The following FGF10 variants were observed in gnomAD, a reference collection of about 807,000 sequenced individuals.
FGF10 encodes the protein FGF-10.
FGF10 carries 2 observed loss-of-function variants against 19.8 expected under a neutral mutation model. That is an observed-to-expected ratio of 0.10 (90% CI 0.04 to 0.32). The LOEUF (loss-of-function observed/expected upper bound fraction) is 0.32. Ranked by LOEUF, FGF10 falls within the 10% of genes least tolerant of loss-of-function variation. The probability of loss-of-function intolerance (pLI) is 1.00; values close to 1 mark genes in which losing one functional copy is unlikely to be tolerated. For synonymous variants in FGF10, 112 were observed against 94.0 expected (o/e 1.19, Z -1.10); for missense variants, 191 against 246.3 (o/e 0.78, Z 1.50).
chr5:44,330,827 T>C (rs1251538728), intron 1 of FGF10, among the ~76,000 whole-genome samples: 1 of 152,198 alleles, frequency 6.6e-6, no homozygotes, highest in African/African-American at 2.4e-5. Flanking sequence ...CAATTTAAAC[T>C]GTTCAAAATA....
chr5:44,321,924 G>A (rs1009067848), intron 1 of FGF10, among the ~76,000 whole-genome samples: 5 of 152,150 alleles, frequency 3.3e-5, no homozygotes, highest in East Asian at 1.9e-4. Context: ...CACCATGCCC[G>A]GCTAATTTTT....
chr5:44,360,319 T>C (rs1193593441), intron 1 of FGF10, among the ~76,000 whole-genome samples: 1 of 151,738 alleles, frequency 6.6e-6, no homozygotes, highest in East Asian at 1.9e-4. Flanking sequence ...AATGTGTTAA[T>C]GAGTTTTCCT....
chr5:44,340,558 T>C (rs957186363), intron 1 of FGF10, among the ~76,000 whole-genome samples: 1 of 152,086 alleles, frequency 6.6e-6, no homozygotes, highest in Non-Finnish European at 1.5e-5. Context: ...ACAGGTATTG[T>C]CTTTTATCAG....
At chr5:44,312,868 T>C (rs766494365) in intron 1 of FGF10, among the ~76,000 whole-genome samples, 2 of 152,096 alleles carry the variant, frequency 1.3e-5, no homozygotes, top group Admixed American at 6.6e-5. Context: ...GATTAAACTA[T>C]ACTAACAGAC....
chr5:44,308,348 A>G (rs1204162181), intron 2 of FGF10, among the ~76,000 whole-genome samples: 1 of 152,180 alleles, frequency 6.6e-6, no homozygotes, highest in Non-Finnish European at 1.5e-5. Flanking sequence ...TATTTTATCA[A>G]TTAAAAGTAT....
At chr5:44,363,671 C>A (rs967731455) in intron 1 of FGF10, among the ~76,000 whole-genome samples, 3 of 151,882 alleles carry the variant, frequency 2.0e-5, no homozygotes, top group African/African-American at 7.2e-5. Context: ...TTGATAATAT[C>A]TTTCTTCATT....
At chr5:44,307,459 T>G (rs916058262) in intron 2 of FGF10, among the ~76,000 whole-genome samples, 12 of 152,050 alleles carry the variant, frequency 7.9e-5, no homozygotes, top group Admixed American at 5.2e-4. Flanking sequence ...CTTTATTTAC[T>G]GAATCCCATC....
At chr5:44,361,942 A>C (rs1270741169) in intron 1 of FGF10, among the ~76,000 whole-genome samples, 3 of 151,564 alleles carry the variant, frequency 2.0e-5, no homozygotes, top group African/African-American at 7.3e-5. Context: ...TGCTCCCTTT[A>C]CCAGAAAGGT....
At chr5:44,344,568 C>CTCTGTGTGTGTG (rs1554037820) in intron 1 of FGF10, among the ~76,000 whole-genome samples, 97 of 126,850 alleles carry the variant, frequency 7.6e-4, no homozygotes, top group South Asian at 2.3e-3. Context: ...TTTGTTTTCT[C>CTCTGTGTGTGTG]TGTGTGTGTG....
intron 2 of FGF10, among the ~76,000 whole-genome samples, chr5:44,306,384 G>A (rs575079135): frequency 2.6e-5 from 4 of 152,192 alleles, no homozygotes; most frequent in African/African-American, 7.2e-5. Context: ...GCAACAGAAC[G>A]AGACTCCGTC....
At chr5:44,318,008 C>A (rs918259805) in intron 1 of FGF10, among the ~76,000 whole-genome samples, 2 of 152,022 alleles carry the variant, frequency 1.3e-5, no homozygotes, top group Non-Finnish European at 2.9e-5. Context: ...AAATAAAGAT[C>A]TAGAAAAGCT....
chr5:44,375,028 A>G (rs1024462206), intron 1 of FGF10, among the ~76,000 whole-genome samples: 1 of 152,176 alleles, frequency 6.6e-6, no homozygotes, highest in African/African-American at 2.4e-5. Flanking sequence ...TACTTCAACC[A>G]TCATTTTAGG....
chr5:44,308,482 G>C (rs1219129824), intron 2 of FGF10, among the ~76,000 whole-genome samples: 1 of 152,100 alleles, frequency 6.6e-6, no homozygotes, highest in East Asian at 1.9e-4. Context: ...CAAAGAATAT[G>C]TACCTGGTTC....
chr5:44,340,846 A>G (rs928948909), intron 1 of FGF10, among the ~76,000 whole-genome samples: 1 of 151,840 alleles, frequency 6.6e-6, no homozygotes, highest in Non-Finnish European at 1.5e-5. Context: ...AAAAAAAAGA[A>G]AAAAGAATTG....
intron 1 of FGF10, among the ~76,000 whole-genome samples, chr5:44,366,127 C>CTTCTTT: frequency 1.3e-5 from 1 of 74,810 alleles, no homozygotes; most frequent in South Asian, 6.8e-4. Context: ...CAATTATTTC[C>CTTCTTT]TTTTTTTTTT....
chr5:44,388,734 G>A lies in FGF10; in HGVS notation c.-52C>T. The A allele has an allele frequency of 6.3e-7, 1 of 1,586,810 alleles. No individual in the cohort carries two copies. The highest frequency in any genetic ancestry group is 2.2e-5 in the East Asian group (1 of 44,602). ...TTGTCTCATCAGAAGGAACATACTG[G>A]AAGGGTAAGACCCGATGCAAGGCAA... On this transcript the variant is annotated 5_prime_UTR_variant, in exon 1 of 3. Coordinates refer to ENST00000264664, the MANE Select transcript of FGF10 (RefSeq NM_004465.2).
intron 1 of FGF10, among the ~76,000 whole-genome samples, chr5:44,325,513 A>T (rs13177843): frequency 3.2e-4 from 48 of 152,168 alleles, no homozygotes; most frequent in Non-Finnish European, 6.0e-4. Flanking sequence ...AGACTGGATT[A>T]AAAAAATGTG....
intron 1 of FGF10, among the ~76,000 whole-genome samples, chr5:44,344,235 G>C (rs1260455263): frequency 1.3e-5 from 2 of 151,932 alleles, no homozygotes; most frequent in African/African-American, 2.4e-5. Context: ...TGCTAGTCCA[G>C]CCCAAGTACT....
At chr5:44,324,554 T>G (rs1740568758) in intron 1 of FGF10, among the ~76,000 whole-genome samples, 1 of 152,162 alleles carries the variant, frequency 6.6e-6, no homozygotes, top group Admixed American at 6.6e-5. Context: ...TTAATATTAT[T>G]TATTGCATAT....
Sources: allele counts gnomAD v4.1 joint callset (sites outside exome capture counted in the v4.1 genomes callset), GRCh38; gene constraint gnomAD v4.1.1; transcripts MANE v1.5; gene names NCBI Gene and HGNC (gene_info 2026-07-23, HGNC 2026-07-21).